SDCCAG8: variants seen among roughly 807,000 people sequenced by gnomAD.
The protein encoded by SDCCAG8 is SHH signaling and ciliogenesis regulator SDCCAG8.
In SDCCAG8, 74 loss-of-function variants were observed where a neutral mutation model predicts 101.8. That is an observed-to-expected ratio of 0.73 (90% confidence interval 0.60 to 0.88). The LOEUF (loss-of-function observed/expected upper bound fraction) is 0.88. Ranked by LOEUF, SDCCAG8 falls within the 40% of genes least tolerant of loss-of-function variation. The pLI is 0.00. For synonymous variants in SDCCAG8, 281 were observed against 292.9 expected, an observed-to-expected ratio of 0.96 and a Z score of 0.41; for missense variants, 787 against 822.6, an observed-to-expected ratio of 0.96 and a Z score of 0.53.
At chr1:243,422,437 A>C (rs964912974) in intron 15 of SDCCAG8, among the ~76,000 whole-genome samples, 26 of 152,204 alleles carry the variant, frequency 1.7e-4, no homozygotes, top group Admixed American at 1.6e-3. Context: ...ATTTTGGTAC[A>C]TATTGCAGTT....
chr1:243,406,123 G>A (rs1192115055), intron 13 of SDCCAG8, among the ~76,000 whole-genome samples: 1 of 152,264 alleles, frequency 6.6e-6, no homozygotes, highest in African/African-American at 2.4e-5. Flanking sequence ...AGAAAGCCAA[G>A]AATGCATAAA....
In SDCCAG8 at chr1:243,370,894, A is replaced by G. The variant is rs1376307941; in HGVS notation, c.1474-7827A>G. On this transcript the variant is annotated intron_variant, in intron 12 of 17. Coordinates refer to ENST00000366541, the MANE Select transcript of SDCCAG8 (RefSeq NM_006642.5). ...AATTGGAAAACTGAAAAGTTCCACA[A>G]AAATGTTGCATATTTTATTGGGAAG... Among the ~76,000 whole-genome samples the G allele has an allele frequency of 3.3e-5, 5 of 152,172 alleles. No individual in the cohort carries two copies. The East Asian group carries it at 9.6e-4, about 29-fold the overall frequency.
intron 16 of SDCCAG8, among the ~76,000 whole-genome samples, chr1:243,444,357 TTTTG>T (rs750180797): frequency 1.4e-4 from 22 of 152,114 alleles, no homozygotes; most frequent in South Asian, 4.1e-4. Context: ...ACTAAAGTTT[TTTTG>T]TTTGTTTGTT....
chr1:243,496,909 C>A (rs1220146380), intron 17 of SDCCAG8, among the ~76,000 whole-genome samples: 43 of 152,354 alleles, frequency 2.8e-4, no homozygotes, highest in Non-Finnish European at 4.4e-5. Flanking sequence ...CACGTTTCCA[C>A]CACCTGTGGA....
intron 10 of SDCCAG8, among the ~76,000 whole-genome samples, chr1:243,336,935 C>G (rs2075051457): frequency 2.6e-5 from 4 of 152,144 alleles, no homozygotes; most frequent in African/African-American, 9.6e-5. Flanking sequence ...TACTTTCTCC[C>G]ATTCTGTAGG....
chr1:243,455,956 A>T (rs535432660), intron 16 of SDCCAG8, among the ~76,000 whole-genome samples: 1 of 152,328 alleles, frequency 6.6e-6, no homozygotes, highest in East Asian at 1.9e-4. Flanking sequence ...AAGGAAACAA[A>T]CAAGTGGGTC....
chr1:243,320,767 A>G (rs2073688711), intron 9 of SDCCAG8, among the ~76,000 whole-genome samples: 1 of 152,246 alleles, frequency 6.6e-6, no homozygotes, highest in Admixed American at 6.5e-5. Flanking sequence ...AGGCAGGCAC[A>G]AAATATTTCT....
chr1:243,348,034 T>C (rs867290293), intron 12 of SDCCAG8, among the ~76,000 whole-genome samples: 49 of 146,700 alleles, frequency 3.3e-4, no homozygotes, highest in Admixed American at 6.2e-4. Flanking sequence ...TTTTTTTTTT[T>C]TTCTTTTTTT....
At chr1:243,364,238 G>A (rs1275889718) in intron 12 of SDCCAG8, among the ~76,000 whole-genome samples, 2 of 152,084 alleles carry the variant, frequency 1.3e-5, no homozygotes, top group African/African-American at 4.8e-5. Flanking sequence ...AGGTTAAATT[G>A]TCCAGTTTTC....
chr1:243,318,144 A>G, intron 9 of SDCCAG8: 2 of 452,624 alleles, frequency 4.4e-6, no homozygotes, highest in Non-Finnish European at 8.9e-6. Flanking sequence ...GAAAATGTGG[A>G]ACATGGACAC....
chr1:243,369,971 A>T (rs12042959), intron 12 of SDCCAG8, among the ~76,000 whole-genome samples: 2 of 151,898 alleles, frequency 1.3e-5, no homozygotes, highest in African/African-American at 4.8e-5. Flanking sequence ...TATCCATTTC[A>T]ATCTGTAATC....
At position 243,270,174 on chromosome 1, in the gene SDCCAG8, A is replaced by T. The variant is rs746020647; in HGVS notation, c.137A>T (p.Asp46Val). 1 of 1,614,256 alleles carries T rather than the reference A, an allele frequency of 6.2e-7. No homozygotes were observed. The highest frequency in any genetic ancestry group is 8.5e-7 in the Non-Finnish European group (1 of 1,180,050). The change falls in exon 2 of 18, where the codon GAT becomes GTT. Residue 46 changes from aspartate (D) to valine (V), a missense_variant. By Grantham distance (152) the Asp-to-Val change is radical. Coordinates refer to ENST00000366541, the MANE Select transcript of SDCCAG8 (RefSeq NM_006642.5). The stretch of plus-strand genomic sequence containing the variant: ...GAAGGCGATGTCACTATTGGAGAAG[A>T]TGCACCAAATCTTTCTTTTAGCACC... ...LKEGDVTIGEDAPNLSFSTSV... is the reference protein window; with the variant it reads ...LKEGDVTIGEVAPNLSFSTSV...
chr1:243,256,347 TAC>T, intron 1 of SDCCAG8, 107 bp downstream of exon 1: 1 of 851,956 alleles, frequency 1.2e-6, no homozygotes. Context: ...CCGTCCACGC[TAC>T]AGAGGAGCAA....
Position 243,336,065 on chromosome 1 carries a change from T to C in SDCCAG8, c.1222-4974T>C, listed in dbSNP as rs1030686367. Among the ~76,000 whole-genome samples the C allele has an allele frequency of 3.3e-5, 5 of 152,376 alleles. No individual in the cohort carries two copies. In the East Asian group the frequency reaches 7.7e-4, roughly 23 times the overall value. ...TTGATGGGCACCTAGGTTGATTCCA[T>C]GTCTTTGCTATTGTGAATGGTGCTA... On this transcript the variant is annotated intron_variant, in intron 10 of 17. Transcript: ENST00000366541.
At chr1:243,266,804 A>C (rs2067634284) in intron 1 of SDCCAG8, among the ~76,000 whole-genome samples, 1 of 142,970 alleles carries the variant, frequency 7.0e-6, no homozygotes, top group Non-Finnish European at 1.5e-5. Context: ...TTAGCTGGGC[A>C]CTGTGGCACA....
At chr1:243,360,374 G>GTTCTC (rs1052166787) in intron 12 of SDCCAG8, among the ~76,000 whole-genome samples, 2 of 151,626 alleles carry the variant, frequency 1.3e-5, no homozygotes, top group African/African-American at 4.8e-5. Context: ...GGATAGTCTC[G>GTTCTC]ATCTCTTGAG....
In SDCCAG8 at chr1:243,370,192, ATCTC is replaced by A. The variant is rs67132315; in HGVS notation, c.1474-8527_1474-8524del. 6.4e-3 allele frequency among the ~76,000 whole-genome samples: 967 copies of A among 152,216 alleles called. 6 individuals carry two copies. Among genetic ancestry groups the A allele is most frequent in the Non-Finnish European group, 0.011 (726 of 68,010 alleles). On this transcript the variant is annotated intron_variant, in intron 12 of 17. Coordinates refer to ENST00000366541, the MANE Select transcript of SDCCAG8 (RefSeq NM_006642.5). ...GCATCAGCAGACATAAAAAGTCAAG[ATCTC>A]TATCTATGTATGCAAATATGTCAGC...
At chr1:243,327,407 T>C (rs2074251575) in intron 9 of SDCCAG8, among the ~76,000 whole-genome samples, 1 of 106,630 alleles carries the variant, frequency 9.4e-6, no homozygotes, top group African/African-American at 3.0e-5. Flanking sequence ...TTTATAGAAA[T>C]TTATAATTTT....
intron 16 of SDCCAG8, among the ~76,000 whole-genome samples, chr1:243,460,795 C>T (rs960366748): frequency 6.6e-6 from 1 of 152,144 alleles, no homozygotes; most frequent in South Asian, 2.1e-4. Context: ...GTTTGTTGCA[C>T]CCCTGACGGC....
Sources: allele counts gnomAD v4.1 joint callset (sites outside exome capture counted in the v4.1 genomes callset), GRCh38; gene constraint gnomAD v4.1.1; transcripts MANE v1.5; gene names NCBI Gene and HGNC (gene_info 2026-07-23, HGNC 2026-07-21).